The following RANBP17 variants were observed in gnomAD, a reference collection of about 807,000 sequenced individuals.
The protein encoded by RANBP17 is RAN binding protein 17.
RANBP17 carries 158 observed loss-of-function variants against 141.2 expected under a neutral mutation model. The ratio of observed to expected loss-of-function variants is 1.12; its 90% CI spans 0.98 to 1.28. The LOEUF is 1.28. RANBP17 is among the 50% of genes most tolerant of loss of function. RANBP17 has a pLI of 0.00. For synonymous variants in RANBP17, 430 were observed against 450.0 expected (o/e 0.96, Z 0.56); for missense variants, 1,438 against 1,290.7 (o/e 1.11, Z -1.75).
In RANBP17 at chr5:170,862,068, C is replaced by T; in HGVS notation, c.18+17C>T. On this transcript the variant is annotated intron_variant, in intron 1 of 27. Coordinates refer to ENST00000523189, the MANE Select transcript of RANBP17 (RefSeq NM_022897.5). ...CACTTCCAGGTCAGTGTGCTCTGCG[C>T]CGCGGGCCCGCGCTCCGCCACGCTG... 6.9e-7 allele frequency: 1 copy of T among 1,449,416 alleles called. No individual in the cohort carries two copies. Among genetic ancestry groups the T allele is most frequent in the Non-Finnish European group, 9.0e-7 (1 of 1,107,246 alleles). 89.8% of individuals were successfully genotyped at this position (1,449,416 alleles called of 1,614,324 possible).
At chr5:171,002,353 G>A (rs1030412625) in intron 14 of RANBP17, among the ~76,000 whole-genome samples, 2 of 152,166 alleles carry the variant, frequency 1.3e-5, no homozygotes, top group African/African-American at 4.8e-5. Context: ...AATGCTAGCT[G>A]CTTCTTTAGC....
chr5:171,212,380 G>A lies in RANBP17; in HGVS notation c.2232-1251G>A, dbSNP rs565839085. The stretch of plus-strand genomic sequence containing the variant: ...ATAAAATAGAGAAAACATCCCATGG[G>A]AGGTAAAACTTGAGCTAGGTATTGA... On this transcript the variant is annotated intron_variant, in intron 20 of 27. Coordinates refer to ENST00000523189, the MANE Select transcript of RANBP17 (RefSeq NM_022897.5). Among the ~76,000 whole-genome samples the A allele has an allele frequency of 5.1e-4, 77 of 152,314 alleles. 2 individuals carry two copies. The South Asian group carries it at 1.0e-2, about 20-fold the overall frequency.
intron 14 of RANBP17, among the ~76,000 whole-genome samples, chr5:171,076,278 G>T (rs1449178537): frequency 2.0e-5 from 3 of 152,168 alleles, no homozygotes; most frequent in Non-Finnish European, 4.4e-5. Flanking sequence ...AATTTTGTTG[G>T]TATAGCAAAA....
intron 14 of RANBP17, among the ~76,000 whole-genome samples, chr5:170,995,185 A>G (rs953055207): frequency 5.3e-5 from 8 of 152,116 alleles, no homozygotes; most frequent in African/African-American, 1.9e-4. Context: ...TACAGTTGAA[A>G]CATTTCCGAG....
intron 14 of RANBP17, among the ~76,000 whole-genome samples, chr5:171,003,750 C>T (rs917220720): frequency 4.6e-5 from 7 of 152,076 alleles, no homozygotes; most frequent in African/African-American, 1.4e-4. Flanking sequence ...GAGGGCTGTC[C>T]CTGAAGCCTT....
chr5:171,143,104 A>T (rs1397796568), intron 14 of RANBP17, among the ~76,000 whole-genome samples: 2 of 152,324 alleles, frequency 1.3e-5, no homozygotes, highest in East Asian at 3.9e-4. Context: ...CAGCTCCATG[A>T]TCACTCACTG....
intron 14 of RANBP17, among the ~76,000 whole-genome samples, chr5:170,969,937 C>A (rs192489942): frequency 2.6e-5 from 4 of 152,074 alleles, no homozygotes; most frequent in African/African-American, 4.8e-5. Context: ...TAAGGCATTT[C>A]TATTGCATAA....
intron 19 of RANBP17, among the ~76,000 whole-genome samples, chr5:171,204,028 G>A (rs1264143024): frequency 6.6e-6 from 1 of 151,964 alleles, no homozygotes; most frequent in East Asian, 1.9e-4. Flanking sequence ...TTCAGGTGGT[G>A]AAAAAAGGCT....
chr5:171,049,236 G>GCTGA (rs1782795293), intron 14 of RANBP17, among the ~76,000 whole-genome samples: 1 of 152,168 alleles, frequency 6.6e-6, no homozygotes, highest in South Asian at 2.1e-4. Context: ...GATTAGTGAT[G>GCTGA]CTGAATATTT....
intron 14 of RANBP17, among the ~76,000 whole-genome samples, chr5:171,155,193 T>C (rs1240655874): frequency 6.7e-6 from 1 of 149,726 alleles, no homozygotes; most frequent in Non-Finnish European, 1.5e-5. Context: ...CTGTGCCTAT[T>C]TTGATTGTAC....
intron 14 of RANBP17, among the ~76,000 whole-genome samples, chr5:171,038,604 A>G (rs1782038699): frequency 6.6e-6 from 1 of 151,928 alleles, no homozygotes; most frequent in Admixed American, 6.6e-5. Flanking sequence ...GGCTTTTATT[A>G]TTTTGAGGTA....
chr5:171,218,583 G>A (rs1322916380), intron 21 of RANBP17, among the ~76,000 whole-genome samples: 7 of 152,062 alleles, frequency 4.6e-5, no homozygotes. Flanking sequence ...CCTGTATTGG[G>A]TGCTCCTGTA....
intron 14 of RANBP17, among the ~76,000 whole-genome samples, chr5:171,152,816 T>TTAA (rs1172444071): frequency 1.3e-5 from 2 of 152,248 alleles, no homozygotes; most frequent in Non-Finnish European, 2.9e-5. Context: ...AAACCTTCTA[T>TTAA]GTGCATTATA....
At chr5:171,082,821 G>A (rs1386689428) in intron 14 of RANBP17, among the ~76,000 whole-genome samples, 1 of 151,676 alleles carries the variant, frequency 6.6e-6, no homozygotes, top group Non-Finnish European at 1.5e-5. Flanking sequence ...TTGTAACCTG[G>A]ATTTGGTGTG....
At chr5:171,025,569 TTTTTTTTC>T (rs1008685766) in intron 14 of RANBP17, among the ~76,000 whole-genome samples, 6 of 148,774 alleles carry the variant, frequency 4.0e-5, no homozygotes, top group South Asian at 2.1e-4. Flanking sequence ...CTTAGTCCTT[TTTTTTTTC>T]TTTTTTTCTT....
At chr5:171,113,478 T>C (rs537998381) in intron 14 of RANBP17, among the ~76,000 whole-genome samples, 22 of 152,248 alleles carry the variant, frequency 1.4e-4, no homozygotes, top group Non-Finnish European at 2.4e-4. Context: ...GTAATAGATA[T>C]TTTAATCTTA....
intron 14 of RANBP17, among the ~76,000 whole-genome samples, chr5:171,142,432 A>G (rs1757766755): frequency 6.6e-6 from 1 of 152,236 alleles, no homozygotes; most frequent in African/African-American, 2.4e-5. Flanking sequence ...AACCCAGGCT[A>G]TTATTGCTGT....
chr5:171,086,601 T>C (rs985900895), intron 14 of RANBP17, among the ~76,000 whole-genome samples: 2 of 146,456 alleles, frequency 1.4e-5, no homozygotes, highest in Non-Finnish European at 3.0e-5. Flanking sequence ...CCTGGACTCT[T>C]TTTGGTTGGT....
At chr5:170,929,965 G>A (rs151060573) in intron 12 of RANBP17, among the ~76,000 whole-genome samples, 23 of 152,012 alleles carry the variant, frequency 1.5e-4, no homozygotes, top group Middle Eastern at 6.8e-3. Flanking sequence ...TCAATGTATT[G>A]GAATAAAACT....
Sources: allele counts gnomAD v4.1 joint callset (sites outside exome capture counted in the v4.1 genomes callset), GRCh38; gene constraint gnomAD v4.1.1; transcripts MANE v1.5; gene names NCBI Gene and HGNC (gene_info 2026-07-23, HGNC 2026-07-21).